DPP6: variants seen among roughly 807,000 people sequenced by gnomAD.
DPP6 encodes dipeptidyl peptidase like 6.
DPP6 carries 69 observed loss-of-function variants against 122.6 expected under a neutral mutation model. The ratio of observed to expected loss-of-function variants is 0.56; its 90% CI spans 0.46 to 0.69. DPP6 has a LOEUF of 0.69. DPP6 is among the 30% of genes least tolerant of loss of function. The probability of loss-of-function intolerance (pLI) is 0.00; values close to 1 mark genes in which losing one functional copy is unlikely to be tolerated. For synonymous variants in DPP6, 418 were observed against 433.1 expected (o/e 0.97, Z 0.43); for missense variants, 928 against 1,116.9 (o/e 0.83, Z 2.41).
At chr7:153,774,636 CA>C in the DPP6 span, among the ~76,000 whole-genome samples, 1 of 152,042 alleles carries the variant, frequency 6.6e-6, no homozygotes, top group Non-Finnish European at 1.5e-5. Flanking sequence ...ACTTCAGGAA[CA>C]GAGGGTTTTA....
At chr7:153,939,142 C>T (rs1801585843) in intron 1 of DPP6, among the ~76,000 whole-genome samples, 2 of 152,030 alleles carry the variant, frequency 1.3e-5, no homozygotes, top group African/African-American at 2.4e-5. Flanking sequence ...TTCAATGCCT[C>T]GAAGAAGGTG....
intron 16 of DPP6, among the ~76,000 whole-genome samples, chr7:154,832,521 A>G (rs770188683): frequency 6.6e-6 from 1 of 152,064 alleles, no homozygotes; most frequent in Admixed American, 6.5e-5. Context: ...CAAAGCCACC[A>G]CCCATTTTAC....
chr7:154,580,063 G>T (rs1057507053), intron 5 of DPP6, among the ~76,000 whole-genome samples: 4 of 151,968 alleles, frequency 2.6e-5, no homozygotes, highest in Admixed American at 6.6e-5. Flanking sequence ...TTTCCCGCGC[G>T]TCGGAGGGGA....
At chr7:153,817,535 ATTGCAT>A in the DPP6 span, among the ~76,000 whole-genome samples, 4 of 151,804 alleles carry the variant, frequency 2.6e-5, no homozygotes, top group African/African-American at 7.3e-5. Flanking sequence ...AAGTCACTGT[ATTGCAT>A]TTAAAAACGC....
At chr7:153,856,162 G>C in the DPP6 span, among the ~76,000 whole-genome samples, 1 of 152,188 alleles carries the variant, frequency 6.6e-6, no homozygotes, top group African/African-American at 2.4e-5. Context: ...CCCTGTTCCT[G>C]CCACTCCAGT....
chr7:154,296,623 G>A (rs1010009009), intron 1 of DPP6, among the ~76,000 whole-genome samples: 1 of 152,168 alleles, frequency 6.6e-6, no homozygotes, highest in South Asian at 2.1e-4. Flanking sequence ...GACGAGTAAG[G>A]GAAGTGCCTT....
chr7:153,798,502 T>C, the DPP6 span, among the ~76,000 whole-genome samples: 34 of 152,130 alleles, frequency 2.2e-4, no homozygotes, highest in Non-Finnish European at 4.1e-4. Context: ...TGGGGCCCCT[T>C]CCACTGAGGC....
intron 3 of DPP6, among the ~76,000 whole-genome samples, chr7:154,513,411 G>A (rs145511544): frequency 9.9e-5 from 15 of 152,034 alleles, no homozygotes; most frequent in African/African-American, 3.4e-4. Flanking sequence ...AGTTTTTGTT[G>A]GTTTGTTTTT....
intron 1 of DPP6, among the ~76,000 whole-genome samples, chr7:154,061,234 AC>A (rs1209320073): frequency 1.3e-4 from 20 of 149,358 alleles, no homozygotes; most frequent in Admixed American, 6.6e-4. Flanking sequence ...GGGGGCGGGG[AC>A]CCGGAACTTT....
chr7:154,648,812 G>T (rs1442176301), intron 6 of DPP6, among the ~76,000 whole-genome samples: 1 of 151,894 alleles, frequency 6.6e-6, no homozygotes, highest in Non-Finnish European at 1.5e-5. Flanking sequence ...CCGGCCACTA[G>T]GGAGGCTGAG....
At chr7:154,799,036 T>C (rs1305247041) in intron 12 of DPP6, among the ~76,000 whole-genome samples, 3 of 152,096 alleles carry the variant, frequency 2.0e-5, no homozygotes, top group Admixed American at 2.0e-4. Flanking sequence ...CCATCTCCAA[T>C]GGGTCACAGA....
the DPP6 span, among the ~76,000 whole-genome samples, chr7:153,792,129 A>G: frequency 6.6e-6 from 1 of 152,378 alleles, no homozygotes; most frequent in African/African-American, 2.4e-5. Flanking sequence ...TGCTAGAATC[A>G]TACTTTATTC....
chr7:154,061,702 G>T (rs1356375763), intron 1 of DPP6, among the ~76,000 whole-genome samples: 7 of 83,350 alleles, frequency 8.4e-5, no homozygotes, highest in Admixed American at 4.6e-4. Flanking sequence ...ATCGCAGGGG[G>T]GGAGGCAATC....
At chr7:154,345,030 C>T (rs1165284248) in intron 1 of DPP6, among the ~76,000 whole-genome samples, 1 of 152,140 alleles carries the variant, frequency 6.6e-6, no homozygotes, top group Admixed American at 6.5e-5. Flanking sequence ...ATCGCTGGTA[C>T]CGTTAGTTGG....
At chr7:154,112,730 T>TTTTC (rs563618016) in intron 1 of DPP6, among the ~76,000 whole-genome samples, 6 of 152,238 alleles carry the variant, frequency 3.9e-5, no homozygotes, top group South Asian at 2.1e-4. Context: ...ACAAACTTTC[T>TTTTC]TTTCTTTCTT....
chr7:153,994,721 A>G (rs1310287728), intron 1 of DPP6, among the ~76,000 whole-genome samples: 1 of 152,188 alleles, frequency 6.6e-6, no homozygotes, highest in Non-Finnish European at 1.5e-5. Flanking sequence ...ATTAGTTGGG[A>G]AGTAATTTTT....
intron 1 of DPP6, among the ~76,000 whole-genome samples, chr7:154,109,206 T>C (rs1187992036): frequency 6.6e-6 from 1 of 152,302 alleles, no homozygotes; most frequent in Non-Finnish European, 1.5e-5. Context: ...GGAGTAAATA[T>C]GAAAACTAAC....
At chr7:153,897,755 A>G (rs1320404413) in intron 1 of DPP6, among the ~76,000 whole-genome samples, 2 of 152,132 alleles carry the variant, frequency 1.3e-5, no homozygotes, top group African/African-American at 2.4e-5. Flanking sequence ...AGCTTCCACA[A>G]ATTTCTTCCT....
At chr7:154,748,270 G>A (rs1843131817) in intron 8 of DPP6, among the ~76,000 whole-genome samples, 1 of 152,204 alleles carries the variant, frequency 6.6e-6, no homozygotes, top group South Asian at 2.1e-4. Context: ...GTTCCCACCT[G>A]TCTCAGTCAG....
Sources: gnomAD v4.1 joint callset for allele counts (sites outside exome capture counted in the v4.1 genomes callset) on GRCh38, gnomAD v4.1.1 for gene constraint, MANE v1.5 for transcripts, NCBI Gene and HGNC (gene_info 2026-07-23, HGNC 2026-07-21) for gene names.